IFT27: variants seen among roughly 807,000 people sequenced by gnomAD.
The protein encoded by IFT27 is intraflagellar transport 27.
Under a neutral mutation model 23.9 loss-of-function variants are expected in IFT27, and 19 were observed. The ratio of observed to expected loss-of-function variants is 0.79; its 90% confidence interval spans 0.55 to 1.16. The LOEUF is 1.16. IFT27 is among the 50% of genes most tolerant of loss of function. IFT27 has a pLI of 0.00. For missense variants in IFT27, 206 were observed against 228.7 expected (o/e 0.90, Z 0.64); for synonymous variants, 91 against 89.1 (o/e 1.02, Z -0.12).
At chr22:36,772,570 G>T in intron 1 of IFT27, 1 of 985,014 alleles carries the variant, frequency 1.0e-6, no homozygotes, top group Non-Finnish European at 1.2e-6. Flanking sequence ...GCATTTCCCC[G>T]CATCTGGCAC....
chr22:36,771,520 C>G (rs1425535493), intron 1 of IFT27, among the ~76,000 whole-genome samples: 1 of 152,100 alleles, frequency 6.6e-6, no homozygotes, highest in Non-Finnish European at 1.5e-5. Flanking sequence ...GTGGCATGTG[C>G]TGGGGTCACG....
chr22:36,763,876 G>C, intron 5 of IFT27, 43 bp downstream of exon 5: 1 of 1,386,896 alleles, frequency 7.2e-7, no homozygotes, highest in Non-Finnish European at 1.0e-6. Flanking sequence ...TGAACCAAAG[G>C]ACAGAGATGC....
chr22:36,764,149 A>C, intron 4 of IFT27, 113 bp from the exon 5 acceptor site: 1 of 733,768 alleles, frequency 1.4e-6, no homozygotes, highest in Non-Finnish European at 2.4e-6. Context: ...GGGAAACAAG[A>C]AACGAAAACA....
chr22:36,772,937 G>T (rs2145925586), intron 1 of IFT27, among the ~76,000 whole-genome samples: 1 of 152,308 alleles, frequency 6.6e-6, no homozygotes, highest in East Asian at 1.9e-4. Flanking sequence ...ACTTCCAAGA[G>T]GAAATGCTGT....
intron 1 of IFT27, 184 bp from the exon 2 acceptor site, chr22:36,768,046 C>T (rs1272285675): frequency 1.4e-6 from 1 of 702,520 alleles, no homozygotes; most frequent in Non-Finnish European, 2.7e-6. Flanking sequence ...GATCTGCAAA[C>T]CTCACAACAG....
chr22:36,763,672 A>C, intron 5 of IFT27: 1 of 582,480 alleles, frequency 1.7e-6, no homozygotes, highest in East Asian at 3.0e-5. Context: ...CCCTCCCGTT[A>C]TTGAGTCTCC....
intron 3 of IFT27, chr22:36,766,513 A>C: frequency 2.6e-6 from 1 of 391,352 alleles, no homozygotes; most frequent in South Asian, 2.9e-5. Flanking sequence ...CAGAATGCTA[A>C]ACAGGCCGGT....
intron 1 of IFT27, among the ~76,000 whole-genome samples, chr22:36,775,170 C>T (rs2145927757): frequency 6.6e-6 from 1 of 152,164 alleles, no homozygotes; most frequent in Admixed American, 6.5e-5. Context: ...AGCACAGTAA[C>T]TTTGGGTCTT....
At position 36,758,318 on chromosome 22, in the gene IFT27, A is replaced by G. The variant is rs754968938; in HGVS notation, c.554T>C (p.Leu185Pro). 3.2e-5 allele frequency: 51 copies of G among 1,606,572 alleles called. No individual in the cohort carries two copies. The South Asian group carries it at 5.6e-4, about 18-fold the overall frequency. Residue 185 changes from leucine to proline, a missense_variant, in exon 7 of 7, where the codon CTG becomes CCG. Physicochemically the swap from Leu to Pro is moderately conservative, Grantham distance 98. Coordinates refer to ENST00000433985, the MANE Select transcript of IFT27 (RefSeq NM_001177701.3). Reference sequence around the variant, plus strand: ...ACGATCTGCTCCAGCTCGTCATGCCAGGGCCCGGAAAACCTCCACCTTCTC... The same window carrying G: ...ACGATCTGCTCCAGCTCGTCATGCCGGGGCCCGGAAAACCTCCACCTTCTC... ...YREKVEVFRA[L>P]A
At chr22:36,762,839 G>C (rs1022582100) in intron 6 of IFT27, 65 bp downstream of exon 6, 2 of 1,040,378 alleles carry the variant, frequency 1.9e-6, no homozygotes, top group Non-Finnish European at 2.8e-6. Context: ...GTGAGGTCAT[G>C]TGCAAGACCG....
At chr22:36,770,523 C>T (rs1938365061) in intron 1 of IFT27, among the ~76,000 whole-genome samples, 1 of 152,196 alleles carries the variant, frequency 6.6e-6, no homozygotes, top group Non-Finnish European at 1.5e-5. Flanking sequence ...TGTGCGTTGC[C>T]ACTAGAATGA....
rs183017913 is a variant in IFT27 at position 36,764,051 on chromosome 22, C to T, written c.235-15G>A. 1,959 of 1,554,332 alleles carry T rather than the reference C, an allele frequency of 1.3e-3. 4 individuals carry two copies. The highest frequency in any genetic ancestry group is 1.6e-3 in the Non-Finnish European group (1,764 of 1,125,458). On this transcript the variant is annotated splice_polypyrimidine_tract_variant and intron_variant, in intron 4 of 6. Transcript: ENST00000433985. ...GGACTCTCCCACTGTGCAAGAGGGA[C>T]AGGATGAGTATGGGTCAGTAACAGG...
intron 6 of IFT27, chr22:36,760,224 T>C (rs1218989912): frequency 1.3e-5 from 2 of 151,934 alleles, no homozygotes; most frequent in Admixed American, 1.3e-4. Context: ...GAAAGTAGAG[T>C]TAAGAATGGA....
intron 6 of IFT27, chr22:36,760,377 T>C (rs184392332): frequency 1.3e-5 from 2 of 152,356 alleles, no homozygotes; most frequent in African/African-American, 4.8e-5. Context: ...CACCACGGCG[T>C]GCTTCTGAAA....
chr22:36,769,154 T>A lies in IFT27; in HGVS notation c.35-1292A>T, dbSNP rs1461800294. 2.6e-5 allele frequency among the ~76,000 whole-genome samples: 4 copies of A among 152,200 alleles called. No homozygotes were observed. In the East Asian group the frequency reaches 5.8e-4, roughly 22 times the overall value. On this transcript the variant is annotated intron_variant, in intron 1 of 6. Transcript: ENST00000433985. ...GTCCTGCTTTTCTATTTGTCATCAC[T>A]CCTTAGAAGGGAACCAATATGTGCT... is the stretch of plus-strand genomic sequence containing the variant.
At chr22:36,760,072 C>A (rs1938040521) in intron 6 of IFT27, 1 of 152,176 alleles carries the variant, frequency 6.6e-6, no homozygotes, top group Non-Finnish European at 1.5e-5. Flanking sequence ...ATAGTAAGCT[C>A]CCAACAGCCA....
chr22:36,763,707 C>A (rs739001), intron 5 of IFT27: 1 of 651,306 alleles, frequency 1.5e-6, no homozygotes, highest in Non-Finnish European at 2.8e-6. Context: ...GGTGCGTGTC[C>A]TCATTCCCGT....
At position 36,763,026 on chromosome 22, in the gene IFT27, A is replaced by G; in HGVS notation, c.353-13T>C. The G allele has an allele frequency of 6.3e-7, 1 of 1,578,364 alleles. No homozygotes were observed. The highest frequency in any genetic ancestry group is 2.3e-5 in the East Asian group (1 of 43,506). ...CCAACTAAAACACCTACTCAGAAGA[A>G]ACAACCAAAATATGGCACTTCACTG... On this transcript the variant is annotated splice_polypyrimidine_tract_variant and intron_variant, in intron 5 of 6. Transcript: ENST00000433985.
chr22:36,763,666 C>T (rs1938157634), intron 5 of IFT27: 1 of 571,664 alleles, frequency 1.7e-6, no homozygotes, highest in Non-Finnish European at 3.2e-6. Context: ...ACAGCACCCT[C>T]CCGTTATTGA....
Sources: allele counts gnomAD v4.1 joint callset (sites outside exome capture counted in the v4.1 genomes callset), GRCh38; gene constraint gnomAD v4.1.1; transcripts MANE v1.5; gene names NCBI Gene and HGNC (gene_info 2026-07-23, HGNC 2026-07-21).